ZNF670: variants seen among roughly 807,000 people sequenced by gnomAD.
ZNF670 encodes the protein zinc finger protein 670.
ZNF670 carries 7 observed loss-of-function variants against 10.9 expected under a neutral mutation model. The ratio of observed to expected loss-of-function variants is 0.64; its 90% CI spans 0.36 to 1.20. The LOEUF is 1.20. Ranked by LOEUF, ZNF670 falls within the 50% of genes most tolerant of loss-of-function variation. The pLI, the probability that ZNF670 is intolerant of heterozygous loss-of-function variation, is 0.02. For missense variants in ZNF670, 446 were observed against 458.6 expected (o/e 0.97, Z 0.25); for synonymous variants, 136 against 152.7 (o/e 0.89, Z 0.81).
At position 247,037,337 on chromosome 1, in the gene ZNF670, T is replaced by C. The variant is rs12141826; in HGVS notation, c.*112A>G. The C allele has an allele frequency of 0.17, 222,249 of 1,300,812 alleles. 19,677 individuals are homozygous for C. Among genetic ancestry groups the C allele is most frequent in the South Asian group, 0.23 (13,852 of 59,818 alleles). The allele number at this position is 1,300,812 out of a possible 1,614,324, so 80.6% of individuals were successfully genotyped here. ...TCTAATCTTCCTTACATGTGTTGGG[T>C]TTCTCTCTAATTTGAGTTTTTAATT... On this transcript the variant is annotated 3_prime_UTR_variant, in exon 4 of 4. Coordinates refer to ENST00000366503, the MANE Select transcript of ZNF670 (RefSeq NM_033213.5).
intron 1 of ZNF670, among the ~76,000 whole-genome samples, chr1:247,044,650 G>C (rs1558337850): frequency 4.6e-5 from 7 of 152,158 alleles, no homozygotes; most frequent in Admixed American, 3.3e-4. Context: ...CATGTCCTGT[G>C]CATAAACATG....
intron 1 of ZNF670, chr1:247,042,732 G>A: frequency 2.6e-6 from 1 of 384,364 alleles, no homozygotes; most frequent in Non-Finnish European, 4.8e-6. Context: ...CTGATTTCCA[G>A]TAGAGCAAGT....
chr1:247,055,569 T>C (rs1370262098), intron 1 of ZNF670, among the ~76,000 whole-genome samples: 1 of 152,204 alleles, frequency 6.6e-6, no homozygotes, highest in African/African-American at 2.4e-5. Flanking sequence ...CTTAATATTC[T>C]TGGTCATGAG....
At chr1:247,070,494 A>G (rs773577767) in intron 1 of ZNF670, among the ~76,000 whole-genome samples, 17 of 152,134 alleles carry the variant, frequency 1.1e-4, no homozygotes, top group Non-Finnish European at 2.5e-4. Context: ...AAACAAACAA[A>G]AAGACTTAAA....
At chr1:247,053,031 C>T (rs1264111024) in intron 1 of ZNF670, among the ~76,000 whole-genome samples, 1 of 152,126 alleles carries the variant, frequency 6.6e-6, no homozygotes, top group Non-Finnish European at 1.5e-5. Context: ...GGCACTATGG[C>T]TGCCTCTGCT....
At chr1:247,043,555 A>G in intron 1 of ZNF670, 1 of 661,742 alleles carries the variant, frequency 1.5e-6, no homozygotes, top group South Asian at 1.4e-5. Context: ...ATGAACTTCA[A>G]CAAAGCTTCC....
chr1:247,067,865 A>AAAAAC (rs1244053986), intron 1 of ZNF670, among the ~76,000 whole-genome samples: 1 of 143,646 alleles, frequency 7.0e-6, no homozygotes, highest in Non-Finnish European at 1.5e-5. Context: ...AAAAAAAAAA[A>AAAAAC]AGCTCCAGCA....
chr1:247,073,072 C>A (rs4925612), intron 1 of ZNF670, among the ~76,000 whole-genome samples: 38,954 of 151,586 alleles, frequency 0.26, 5,925 homozygotes, highest in African/African-American at 0.41. Flanking sequence ...CAGAACTGCA[C>A]AAGGTCTGTT....
At chr1:247,052,934 G>A (rs1242095097) in intron 1 of ZNF670, among the ~76,000 whole-genome samples, 2 of 152,168 alleles carry the variant, frequency 1.3e-5, no homozygotes, top group Admixed American at 1.3e-4. Flanking sequence ...AGATGTGTCT[G>A]AGCTCAGACT....
chr1:247,040,513 C>CA lies in ZNF670; in HGVS notation c.4-977dup, dbSNP rs534170443. ...CTGAAAACTACTTTTCCAAACCTAA[C>CA]AAAAAAAAAATGTCTAAGAATTGTC... On this transcript the variant is annotated intron_variant, in intron 1 of 3. Coordinates refer to ENST00000366503, the MANE Select transcript of ZNF670 (RefSeq NM_033213.5). Among the ~76,000 whole-genome samples, 160 of 146,822 alleles carry CA rather than the reference C, an allele frequency of 1.1e-3. 1 individual carries two copies. The highest frequency in any genetic ancestry group is 9.0e-3 in the South Asian group (42 of 4,684).
At position 247,049,175 on chromosome 1, in the gene ZNF670, T is replaced by C. The variant is rs1670532246; in HGVS notation, c.4-9638A>G. Among the ~76,000 whole-genome samples, 2 of 149,704 alleles carry C rather than the reference T, an allele frequency of 1.3e-5. 1 individual carries two copies. Among genetic ancestry groups the C allele is most frequent in the African/African-American group, 5.0e-5 (2 of 40,392 alleles). ...GTGCAGTGGTGCAATCTCAGCTCAC[T>C]GCAACCTCCACCTGCCGGGTTAAGT... On this transcript the variant is annotated intron_variant, in intron 1 of 3. Transcript: ENST00000366503.
intron 1 of ZNF670, among the ~76,000 whole-genome samples, chr1:247,070,937 A>C (rs1367167653): frequency 6.6e-6 from 1 of 152,236 alleles, no homozygotes; most frequent in Non-Finnish European, 1.5e-5. Flanking sequence ...CCATCCAGTC[A>C]GAATAACTAT....
rs907293042 is a variant in ZNF670, at chr1:247,076,418, G to A, written c.3+2176C>T. Among the ~76,000 whole-genome samples the A allele has an allele frequency of 5.9e-5, 9 of 151,698 alleles. No individual in the cohort carries two copies. The South Asian group carries it at 6.2e-4, about 11-fold the overall frequency. On this transcript the variant is annotated intron_variant, in intron 1 of 3. Coordinates refer to ENST00000366503, the MANE Select transcript of ZNF670 (RefSeq NM_033213.5). ...ACTACAGGCGCCCGCCACCATGCCC[G>A]GCTAATTTTTTGTATTTTTAGTAGA...
At chr1:247,057,892 A>AG (rs902821287) in intron 1 of ZNF670, among the ~76,000 whole-genome samples, 2 of 152,342 alleles carry the variant, frequency 1.3e-5, no homozygotes, top group Non-Finnish European at 2.9e-5. Context: ...TACAAAAAAA[A>AG]TAGTTAGAAA....
At position 247,078,699 on chromosome 1, in the gene ZNF670, T is replaced by C; in HGVS notation, c.-103A>G. 3 of 1,335,634 alleles carry C rather than the reference T, an allele frequency of 2.2e-6. No individual in the cohort carries two copies. The highest frequency in any genetic ancestry group is 3.8e-5 in the Admixed American group (2 of 52,350). 82.7% of individuals were successfully genotyped at this position (1,335,634 alleles called of 1,614,324 possible). A position where few individuals can be genotyped will look rare whatever the true frequency, so the allele number is the denominator to read the frequency against. On this transcript the variant is annotated 5_prime_UTR_variant, in exon 1 of 4. Transcript: ENST00000366503. ...CGGGACCACTTGGACCTCCCAGGGA[T>C]AAGGGGAAGGAGCAGCGGAGACGCA...
chr1:247,066,127 G>C (rs1307882287), intron 1 of ZNF670, among the ~76,000 whole-genome samples: 2 of 152,214 alleles, frequency 1.3e-5, no homozygotes, highest in Non-Finnish European at 2.9e-5. Context: ...CAGTCAGGAC[G>C]ATCTTTTGCC....
At position 247,036,113 on chromosome 1, in the gene ZNF670, C is replaced by T. The variant is rs887511455; in HGVS notation, c.*1336G>A. Among the ~76,000 whole-genome samples the T allele has an allele frequency of 1.8e-4, 28 of 152,006 alleles. No homozygotes were observed. Among genetic ancestry groups the T allele is most frequent in the East Asian group, 7.7e-4 (4 of 5,200 alleles). ...ATATTTATATCTGAAAGCCAGTTAA[C>T]GTAATAGACTATCAGTAGAATGCCA... On this transcript the variant is annotated 3_prime_UTR_variant, in exon 4 of 4. Transcript: ENST00000366503.
intron 1 of ZNF670, among the ~76,000 whole-genome samples, chr1:247,064,654 C>T (rs1014330389): frequency 1.3e-5 from 2 of 152,196 alleles, no homozygotes; most frequent in Non-Finnish European, 2.9e-5. Context: ...GAGCCATCCT[C>T]AGCCTCAAGG....
At chr1:247,072,814 ATATATATATATATATATATATATATG>A (rs1558348396) in intron 1 of ZNF670, among the ~76,000 whole-genome samples, 683 of 48,812 alleles carry the variant, frequency 0.014, 40 homozygotes, top group African/African-American at 0.072. Flanking sequence ...GTATATATAT[ATATATATATATATATATATATATATG>A]CATACACACA....
Sources: allele counts gnomAD v4.1 joint callset (sites outside exome capture counted in the v4.1 genomes callset), GRCh38; gene constraint gnomAD v4.1.1; transcripts MANE v1.5; gene names NCBI Gene and HGNC (gene_info 2026-07-23, HGNC 2026-07-21).